The following CCDC60 variants were observed in gnomAD, a reference collection of about 807,000 sequenced individuals.
The protein encoded by CCDC60 is coiled-coil domain-containing protein 60.
In CCDC60, 54 loss-of-function variants were observed where a neutral mutation model predicts 63.5. The ratio of observed to expected loss-of-function variants is 0.85; its 90% CI spans 0.68 to 1.07. CCDC60 has a LOEUF of 1.07. Among genes scored for constraint, CCDC60 ranks in the 50% least tolerant of loss-of-function variants. The pLI is 0.00. For missense variants in CCDC60, 651 were observed against 684.3 expected, an observed-to-expected ratio of 0.95 and a Z score of 0.54; for synonymous variants, 206 against 238.8, an observed-to-expected ratio of 0.86 and a Z score of 1.27.
At chr12:119,369,318 T>C (rs1201472843) in intron 1 of CCDC60, among the ~76,000 whole-genome samples, 1 of 152,214 alleles carries the variant, frequency 6.6e-6, no homozygotes. Flanking sequence ...AGTCTCCCCT[T>C]TCAGCCCAGA....
Position 119,531,046 on chromosome 12 carries a change from A to G in CCDC60, c.1534A>G (p.Ile512Val). The G allele has an allele frequency of 6.2e-7, 1 of 1,613,934 alleles. No individual in the cohort carries two copies. The highest frequency in any genetic ancestry group is 8.5e-7 in the Non-Finnish European group (1 of 1,179,902). ...GATTTGGGAACTGTGCTCCCCTGAC[A>G]TCGCTGTGGCTATTGAGGTAAACAC... Reference protein sequence around the residue: ...LRIWELCSPDIAVAIEFVREH... With the variant: ...LRIWELCSPDVAVAIEFVREH... Residue 512 changes from isoleucine to valine, a missense_variant, in exon 13 of 14, where the codon ATC (isoleucine) becomes GTC (valine). Ile to Val is a conservative substitution (Grantham distance 29, BLOSUM62 3). Transcript: ENST00000327554.
chr12:119,441,996 A>G (rs1287753128), intron 2 of CCDC60, among the ~76,000 whole-genome samples: 1 of 152,212 alleles, frequency 6.6e-6, no homozygotes, highest in Non-Finnish European at 1.5e-5. Context: ...TTTAAAGTTT[A>G]AAACGCACAA....
At chr12:119,484,448 G>A (rs1339236831) in intron 4 of CCDC60, among the ~76,000 whole-genome samples, 1 of 151,934 alleles carries the variant, frequency 6.6e-6, no homozygotes, top group Non-Finnish European at 1.5e-5. Context: ...AGGTGCAGTG[G>A]CTCACGTCTG....
intron 1 of CCDC60, among the ~76,000 whole-genome samples, chr12:119,362,107 A>G (rs1334800104): frequency 1.3e-5 from 2 of 152,164 alleles, no homozygotes; most frequent in Non-Finnish European, 2.9e-5. Context: ...TTAAACATCT[A>G]TCTTATATCT....
intron 6 of CCDC60, 92 bp downstream of exon 6, chr12:119,500,260 T>G (rs1951818640): frequency 1.1e-6 from 1 of 874,124 alleles, no homozygotes. Context: ...GATGGGAATT[T>G]TTTTTTCCTA....
intron 1 of CCDC60, among the ~76,000 whole-genome samples, chr12:119,335,808 A>G (rs1429631108): frequency 6.6e-6 from 1 of 150,766 alleles, no homozygotes; most frequent in Non-Finnish European, 1.5e-5. Flanking sequence ...GTTTAATTAG[A>G]TCCCTTTTGT....
rs184262354 is a variant in CCDC60, at chr12:119,521,066, A to G, written c.1040+874A>G. 3.8e-3 allele frequency among the ~76,000 whole-genome samples: 575 copies of G among 152,364 alleles called. 1 individual carries two copies. The highest frequency in any genetic ancestry group is 0.013 in the African/African-American group (537 of 41,594). ...TGCGTACTATACAGTATAAAAGATCACTAAGAAATTCGTAGTAATCTAGAT... is the reference window on the plus strand; with the variant it reads ...TGCGTACTATACAGTATAAAAGATCGCTAAGAAATTCGTAGTAATCTAGAT... On this transcript the variant is annotated intron_variant, in intron 9 of 13. Coordinates refer to ENST00000327554, the MANE Select transcript of CCDC60 (RefSeq NM_178499.5).
At chr12:119,407,542 T>A (rs976364948) in intron 1 of CCDC60, among the ~76,000 whole-genome samples, 3 of 151,914 alleles carry the variant, frequency 2.0e-5, no homozygotes, top group African/African-American at 7.3e-5. Context: ...AAAAATAAAT[T>A]AATTAATTAC....
At chr12:119,391,958 G>A (rs1364173476) in intron 1 of CCDC60, among the ~76,000 whole-genome samples, 1 of 152,126 alleles carries the variant, frequency 6.6e-6, no homozygotes, top group African/African-American at 2.4e-5. Context: ...GTGCAATTGG[G>A]TGTGCAATAT....
At chr12:119,418,661 C>T (rs1202701553) in intron 1 of CCDC60, among the ~76,000 whole-genome samples, 2 of 151,994 alleles carry the variant, frequency 1.3e-5, no homozygotes, top group African/African-American at 4.8e-5. Context: ...GTGATCCACC[C>T]ACCTCAACCT....
At chr12:119,485,333 G>A (rs1489012800) in intron 4 of CCDC60, among the ~76,000 whole-genome samples, 1 of 152,232 alleles carries the variant, frequency 6.6e-6, no homozygotes, top group African/African-American at 2.4e-5. Context: ...GGCTGCAGGT[G>A]GTAGCACAAG....
intron 6 of CCDC60, among the ~76,000 whole-genome samples, chr12:119,504,081 A>T (rs2393547): frequency 0.21 from 31,699 of 152,102 alleles, 3,923 homozygotes; most frequent in Non-Finnish European, 0.28. Context: ...GTCATAAAGA[A>T]TCATTAGCAT....
chr12:119,358,230 T>C (rs926662778), intron 1 of CCDC60, among the ~76,000 whole-genome samples: 4 of 152,192 alleles, frequency 2.6e-5, no homozygotes, highest in Admixed American at 1.3e-4. Flanking sequence ...GGTGATTACA[T>C]GCAATATTTG....
intron 2 of CCDC60, among the ~76,000 whole-genome samples, chr12:119,430,187 C>T (rs1950200046): frequency 6.6e-6 from 1 of 151,672 alleles, no homozygotes; most frequent in South Asian, 2.1e-4. Context: ...CACACACACA[C>T]ACACACACAC....
chr12:119,523,798 C>A lies in CCDC60; in HGVS notation c.1209C>A (p.Asp403Glu), dbSNP rs762348279. The A allele has an allele frequency of 5.0e-6, 8 of 1,614,166 alleles. No homozygotes were observed. The highest frequency in any genetic ancestry group is 6.8e-6 in the Non-Finnish European group (8 of 1,180,004). ...AGGAGGCTGGCTTCTGCCTGCAGGA[C>A]AAGATGGAAATCCTCATGAAGTAAG... ...VAQEAGFCLQ[D>E]KMEILMKRQE... The change falls in exon 11 of 14, where the codon GAC becomes GAA. Residue 403 changes from aspartate (D) to glutamate (E), a missense_variant. Physicochemically the swap from Asp to Glu is conservative, Grantham distance 45. Transcript: ENST00000327554.
intron 1 of CCDC60, among the ~76,000 whole-genome samples, chr12:119,391,771 A>G (rs1343847431): frequency 6.6e-6 from 1 of 152,142 alleles, no homozygotes; most frequent in Non-Finnish European, 1.5e-5. Context: ...GCTTTTCTGT[A>G]TTAGGATTAG....
chr12:119,371,894 C>T (rs1955901882), intron 1 of CCDC60, among the ~76,000 whole-genome samples: 1 of 152,144 alleles, frequency 6.6e-6, no homozygotes, highest in Non-Finnish European at 1.5e-5. Flanking sequence ...ATGATGCCAC[C>T]TAAGGACTCT....
chr12:119,436,526 T>C (rs928433585), intron 2 of CCDC60, among the ~76,000 whole-genome samples: 2 of 142,002 alleles, frequency 1.4e-5, no homozygotes, highest in South Asian at 4.8e-4. Flanking sequence ...CGAGTCCCCT[T>C]GAGTGATGCC....
intron 11 of CCDC60, 45 bp from the exon 12 acceptor site, chr12:119,528,570 G>C (rs1368099168): frequency 6.3e-7 from 1 of 1,589,770 alleles, no homozygotes; most frequent in Admixed American, 1.7e-5. Context: ...GGTTACAGGA[G>C]GAGGGGATCT....
Sources: allele counts gnomAD v4.1 joint callset (sites outside exome capture counted in the v4.1 genomes callset), GRCh38; gene constraint gnomAD v4.1.1; transcripts MANE v1.5; gene names NCBI Gene and HGNC (gene_info 2026-07-23, HGNC 2026-07-21).